Variants in DCHS2 observed in about 807,000 individuals in gnomAD.
DCHS2 encodes dachsous cadherin-related 2.
Under a neutral mutation model 182.4 loss-of-function variants are expected in DCHS2, and 142 were observed. That is an observed-to-expected ratio of 0.78 (90% CI 0.68 to 0.89). DCHS2 has a LOEUF of 0.89. DCHS2 is among the 40% of genes least tolerant of loss of function. The pLI is 0.00. For synonymous variants in DCHS2, 1,740 were observed against 1,663.3 expected (o/e 1.05, Z -1.12); for missense variants, 4,319 against 4,198.6 (o/e 1.03, Z -0.79).
At position 154,335,286 on chromosome 4, in the gene DCHS2, T is replaced by A. The variant is rs141114721; in HGVS notation, c.2477-182A>T. On this transcript the variant is annotated intron_variant, in intron 3 of 19. Transcript: ENST00000357232. ...GTGTGTCTGTGAGGGTGCTTTTGGA[T>A]GACATTAACATTTAAATCTGTAGAC... is the stretch of plus-strand genomic sequence containing the variant. The A allele has an allele frequency of 3.9e-4, 227 of 589,010 alleles. 2 individuals are homozygous for A. The East Asian group carries it at 6.3e-3, about 16-fold the overall frequency. The allele number at this position is 589,010 out of a possible 1,614,324, so 36.5% of individuals were successfully genotyped here. A position where few individuals can be genotyped will look rare whatever the true frequency, so the allele number is the denominator to read the frequency against.
chr4:154,296,368 G>A (rs1449324141), intron 13 of DCHS2, among the ~76,000 whole-genome samples: 1 of 152,140 alleles, frequency 6.6e-6, no homozygotes, highest in Middle Eastern at 3.2e-3. Flanking sequence ...TCACAGTAAA[G>A]AGCGGGGAGT....
chr4:154,252,542 T>C (rs1235843325), intron 16 of DCHS2, among the ~76,000 whole-genome samples: 1 of 151,928 alleles, frequency 6.6e-6, no homozygotes, highest in African/African-American at 2.4e-5. Context: ...CTTGAGTTCA[T>C]TTGTTGTAAT....
At chr4:154,450,806 G>A (rs1734500027) in intron 1 of DCHS2, among the ~76,000 whole-genome samples, 1 of 151,864 alleles carries the variant, frequency 6.6e-6, no homozygotes. Context: ...TGGGCAACAA[G>A]AGTGAAACTC....
chr4:154,469,864 A>G (rs542697815), intron 1 of DCHS2, among the ~76,000 whole-genome samples: 2 of 152,300 alleles, frequency 1.3e-5, no homozygotes, highest in Admixed American at 1.3e-4. Flanking sequence ...TCTCAATAAG[A>G]GCACATCACC....
At chr4:154,262,688 A>G (rs987749537) in intron 14 of DCHS2, among the ~76,000 whole-genome samples, 2 of 152,222 alleles carry the variant, frequency 1.3e-5, no homozygotes, top group Non-Finnish European at 2.9e-5. Context: ...TCCATCAATT[A>G]TATACTGTGT....
chr4:154,260,117 T>C (rs781285763), intron 14 of DCHS2, among the ~76,000 whole-genome samples: 3 of 152,188 alleles, frequency 2.0e-5, no homozygotes, highest in Non-Finnish European at 4.4e-5. Context: ...CCACAGCACC[T>C]GGCCATAGTT....
chr4:154,371,295 T>C (rs1253411637), intron 2 of DCHS2, among the ~76,000 whole-genome samples: 6 of 151,580 alleles, frequency 4.0e-5, no homozygotes, highest in African/African-American at 1.5e-4. Context: ...GGAGTAGAAA[T>C]TATTTGGATG....
chr4:154,258,053 TC>T (rs1323017666), intron 15 of DCHS2, among the ~76,000 whole-genome samples: 1 of 152,192 alleles, frequency 6.6e-6, no homozygotes, highest in Non-Finnish European at 1.5e-5. Context: ...GCATCTGCCA[TC>T]CCCACTGATC....
intron 3 of DCHS2, among the ~76,000 whole-genome samples, chr4:154,337,740 T>TATC (rs1294967020): frequency 4.6e-5 from 7 of 151,870 alleles, no homozygotes; most frequent in Admixed American, 4.6e-4. Flanking sequence ...ATTTTATTAT[T>TATC]ATTATTATTA....
At chr4:154,280,473 A>C (rs144362011) in intron 13 of DCHS2, among the ~76,000 whole-genome samples, 3 of 152,190 alleles carry the variant, frequency 2.0e-5, no homozygotes. Context: ...AAAATTTATC[A>C]ATAAAATACT....
chr4:154,428,248 G>A (rs999841225), intron 1 of DCHS2, among the ~76,000 whole-genome samples: 6 of 152,172 alleles, frequency 3.9e-5, no homozygotes, highest in Non-Finnish European at 8.8e-5. Context: ...TTCTAGGTGC[G>A]AAAAAACACT....
At chr4:154,409,404 G>T (rs938866983) in intron 1 of DCHS2, among the ~76,000 whole-genome samples, 2 of 152,066 alleles carry the variant, frequency 1.3e-5, no homozygotes, top group Non-Finnish European at 2.9e-5. Flanking sequence ...ATTGGTTCTG[G>T]TTCCTAAATT....
At position 154,237,112 on chromosome 4, in the gene DCHS2, T is replaced by C. The variant is rs1560972717; in HGVS notation, c.7540A>G (p.Thr2514Ala). The change falls in exon 20 of 20, where the codon ACA (threonine) becomes GCA (alanine). Residue 2514 changes from threonine to alanine, a missense_variant. Transcript: ENST00000357232. ...SPVLLLDTISTTQFLVEASDG... is the reference protein window; with the variant it reads ...SPVLLLDTISATQFLVEASDG... ...CTGGCTTCCACAAGAAATTGAGTTG[T>C]TGATATTGTATCCAGAAGTAATACG... 1 of 1,613,694 alleles carries C rather than the reference T, an allele frequency of 6.2e-7. No individual in the cohort carries two copies.
Position 154,491,183 on chromosome 4 carries a change from G to A in DCHS2, c.173C>T (p.Ala58Val), listed in dbSNP as rs747746768. ...CAACTGGGCAGAGGAGCCCGAGGCC[G>A]CCCACAGCCACACGTGCACCAAGAG... is the stretch of plus-strand genomic sequence containing the variant. ...LWLLVHVWLW[A>V]ASGSSAQLFN... Residue 58 changes from alanine (A) to valine (V), a missense_variant, in exon 1 of 20, where the codon GCG (alanine) becomes GTG (valine). Ala to Val is a moderately conservative substitution (Grantham distance 64). Transcript: ENST00000357232. 11 of 1,551,170 alleles carry A rather than the reference G, an allele frequency of 7.1e-6. No homozygotes were observed. Among genetic ancestry groups the A allele is most frequent in the African/African-American group, 5.5e-5 (4 of 73,040 alleles).
intron 1 of DCHS2, among the ~76,000 whole-genome samples, chr4:154,466,540 G>T (rs1044691178): frequency 5.3e-5 from 8 of 152,142 alleles, no homozygotes; most frequent in Non-Finnish European, 1.2e-4. Context: ...ATGCAACCCT[G>T]ATAAATAATC....
At chr4:154,312,658 G>GA (rs1393153692) in intron 10 of DCHS2, among the ~76,000 whole-genome samples, 3 of 152,150 alleles carry the variant, frequency 2.0e-5, no homozygotes, top group African/African-American at 7.2e-5. Flanking sequence ...ATGATACAGA[G>GA]AAAATATCAC....
chr4:154,463,505 G>A (rs184273218), intron 1 of DCHS2, among the ~76,000 whole-genome samples: 2 of 152,122 alleles, frequency 1.3e-5, no homozygotes, highest in South Asian at 2.1e-4. Context: ...AAAACTGTAC[G>A]CTAACAATTT....
In DCHS2 at chr4:154,491,124, G is replaced by A. The variant is rs771406428; in HGVS notation, c.232C>T (p.Pro78Ser). 1.3e-6 allele frequency: 2 copies of A among 1,551,506 alleles called. No individual in the cohort carries two copies. The highest frequency in any genetic ancestry group is 2.0e-5 in the Admixed American group (1 of 50,994). The change falls in exon 1 of 20, where the codon CCC (proline) becomes TCC (serine). Residue 78 changes from proline (P) to serine (S), a missense_variant. Physicochemically the swap from Pro to Ser is moderately conservative, Grantham distance 74 (BLOSUM62 -1). Transcript: ENST00000357232. ...NLTLSVDEGL[P>S]PDTLVGDIRA... Reference sequence around the variant, plus strand: ...ATGTCACCTACCAGCGTGTCCGGGGGAAGCCCCTCATCTACGGAAAGGGTG... The same window carrying A: ...ATGTCACCTACCAGCGTGTCCGGGGAAAGCCCCTCATCTACGGAAAGGGTG...
In DCHS2 at chr4:154,490,943, TGG is replaced by T. The variant is rs1352202665; in HGVS notation, c.411_412del (p.Asp137GlufsTer25). Reference sequence around the variant, plus strand: ...CAGCGTGGCGGCGACGAAGCTGTAGTGGTCCCGCCGCTCGCGGTCCAGGCGCC... The same window carrying T: ...CAGCGTGGCGGCGACGAAGCTGTAGTTCCCGCCGCTCGCGGTCCAGGCGCC... On this transcript the variant is annotated frameshift_variant, in exon 1 of 20. Coordinates refer to ENST00000357232, the MANE Select transcript of DCHS2 (RefSeq NM_001358235.2). LOFTEE classifies it high-confidence loss of function. 1.3e-6 allele frequency: 2 copies of T among 1,550,318 alleles called. No homozygotes were observed. The highest frequency in any genetic ancestry group is 1.7e-6 in the Non-Finnish European group (2 of 1,146,392).
Sources: allele counts gnomAD v4.1 joint callset (sites outside exome capture counted in the v4.1 genomes callset), GRCh38; gene constraint gnomAD v4.1.1; transcripts MANE v1.5; gene names NCBI Gene and HGNC (gene_info 2026-07-23, HGNC 2026-07-21).